CASK: variants seen among roughly 807,000 people sequenced by gnomAD.
CASK encodes the protein peripheral plasma membrane protein CASK.
CASK carries 4 observed loss-of-function variants against 82.9 expected under a neutral mutation model. The ratio of observed to expected loss-of-function variants is 0.05; its 90% CI spans 0.02 to 0.11. CASK has a LOEUF of 0.11. CASK is among the 10% of genes least tolerant of loss of function. The probability of loss-of-function intolerance (pLI) is 1.00; values close to 1 mark genes in which losing one functional copy is unlikely to be tolerated. For missense variants in CASK, 358 were observed against 720.9 expected (o/e 0.50, Z 5.76); for synonymous variants, 259 against 253.5 (o/e 1.02, Z -0.20).
At chrX:41,678,247 T>C (rs1401484136) in intron 5 of CASK, among the ~76,000 whole-genome samples, 1 of 111,594 alleles carries the variant, frequency 9.0e-6, no homozygotes, top group Non-Finnish European at 1.9e-5. Context: ...GTACATTGCA[T>C]TTGATGACTA....
intron 16 of CASK, among the ~76,000 whole-genome samples, chrX:41,563,927 C>T (rs2065271181): frequency 8.9e-6 from 1 of 111,735 alleles, no homozygotes; most frequent in Non-Finnish European, 1.9e-5. Context: ...GGAATACTCT[C>T]CAAGTCATTG....
At chrX:41,730,920 G>T (rs1183974918) in intron 5 of CASK, among the ~76,000 whole-genome samples, 1 of 111,162 alleles carries the variant, frequency 9.0e-6, no homozygotes, top group African/African-American at 3.3e-5. Context: ...ACCCAGGTTG[G>T]TCTCGAATTC....
chrX:41,579,544 C>T (rs1299333525), intron 14 of CASK, among the ~76,000 whole-genome samples: 2 of 111,398 alleles, frequency 1.8e-5, no homozygotes, highest in Non-Finnish European at 3.8e-5. Flanking sequence ...CATAATAAAC[C>T]CTTTCTATTA....
chrX:41,759,596 G>A (rs515958), intron 3 of CASK, among the ~76,000 whole-genome samples: 17,948 of 110,603 alleles, frequency 0.16, 1,431 homozygotes, highest in Middle Eastern at 0.3. Flanking sequence ...TCAGGTGTTG[G>A]GATGGCCAAA....
At chrX:41,663,409 C>T (rs1238224153) in intron 7 of CASK, among the ~76,000 whole-genome samples, 1 of 111,234 alleles carries the variant, frequency 9.0e-6, no homozygotes, top group African/African-American at 3.3e-5. Flanking sequence ...TTATTAACCT[C>T]AAAGCTTCAA....
chrX:41,709,232 T>A (rs2067933234), intron 5 of CASK, among the ~76,000 whole-genome samples: 1 of 111,797 alleles, frequency 8.9e-6, no homozygotes, highest in Non-Finnish European at 1.9e-5. Flanking sequence ...TCGAAGAATG[T>A]CAAAATCCAG....
chrX:41,640,780 T>C (rs918950329), intron 8 of CASK, among the ~76,000 whole-genome samples: 7 of 111,528 alleles, frequency 6.3e-5, no homozygotes, highest in African/African-American at 2.3e-4. Flanking sequence ...TTAAGTTTAC[T>C]ACATATCTGA....
chrX:41,612,910 G>A (rs1226588049), intron 11 of CASK, among the ~76,000 whole-genome samples: 38 of 99,620 alleles, frequency 3.8e-4, no homozygotes, highest in African/African-American at 1.3e-3. Flanking sequence ...CCGGCCAGCC[G>A]CCCCATCCGG....
At chrX:41,580,803 A>G (rs1488728968) in intron 14 of CASK, among the ~76,000 whole-genome samples, 1 of 112,453 alleles carries the variant, frequency 8.9e-6, no homozygotes, top group Non-Finnish European at 1.9e-5. Flanking sequence ...GTTAAGACGT[A>G]TGAGTGAGCA....
chrX:41,673,829 G>GT (rs887137250), intron 5 of CASK, among the ~76,000 whole-genome samples: 1,881 of 50,760 alleles, frequency 0.037, 42 homozygotes, highest in African/African-American at 0.056. Context: ...AACTCTGGGT[G>GT]TTTTTTTTTT....
intron 3 of CASK, among the ~76,000 whole-genome samples, chrX:41,765,647 T>C (rs1044478968): frequency 9.0e-6 from 1 of 111,643 alleles, no homozygotes; most frequent in African/African-American, 3.3e-5. Flanking sequence ...TGAGAATATA[T>C]GGAAGTGTGT....
At chrX:41,875,563 T>A (rs1442790574) in intron 1 of CASK, among the ~76,000 whole-genome samples, 1 of 110,801 alleles carries the variant, frequency 9.0e-6, no homozygotes, top group Non-Finnish European at 1.9e-5. Context: ...TTAAGAACAA[T>A]ATAAAGGTTG....
At chrX:41,650,745 C>G (rs2066852811) in intron 8 of CASK, among the ~76,000 whole-genome samples, 1 of 110,066 alleles carries the variant, frequency 9.1e-6, no homozygotes, top group South Asian at 3.9e-4. Flanking sequence ...GCCACTGCAA[C>G]CAGTATCATT....
At chrX:41,802,212 C>T (rs1480989725) in intron 2 of CASK, among the ~76,000 whole-genome samples, 1 of 110,598 alleles carries the variant, frequency 9.0e-6, no homozygotes, top group Non-Finnish European at 1.9e-5. Context: ...AATATGAAAC[C>T]TATGAAGACA....
chrX:41,846,091 G>A (rs2071149185), intron 2 of CASK, among the ~76,000 whole-genome samples: 1 of 111,477 alleles, frequency 9.0e-6, no homozygotes, highest in African/African-American at 3.3e-5. Context: ...CAAAAGAAAG[G>A]AAATCAGAAT....
chrX:41,543,181 T>C (rs144945901), intron 21 of CASK, among the ~76,000 whole-genome samples: 2,578 of 112,134 alleles, frequency 0.023, 37 homozygotes, highest in Non-Finnish European at 0.037. Context: ...ACTTTACATG[T>C]ATTAACTCCT....
intron 9 of CASK, among the ~76,000 whole-genome samples, chrX:41,628,141 T>C (rs1364644992): frequency 8.9e-6 from 1 of 112,538 alleles, no homozygotes; most frequent in African/African-American, 3.2e-5. Flanking sequence ...CTAATAAAGA[T>C]CTAGAACATG....
intron 9 of CASK, among the ~76,000 whole-genome samples, chrX:41,633,056 AAATAATAAT>A (rs1324014048): frequency 0.013 from 1,093 of 86,312 alleles, 15 homozygotes; most frequent in Middle Eastern, 0.049. Flanking sequence ...AAAAAAAAAA[AAATAATAAT>A]AATAATAAAG....
chrX:41,586,711 T>G, intron 14 of CASK, 196 bp downstream of exon 14: 1 of 408,381 alleles, frequency 2.4e-6, no homozygotes, highest in Non-Finnish European at 4.3e-6. Flanking sequence ...TCACCAAGAG[T>G]ATCTTTACAG....
Sources: allele counts gnomAD v4.1 joint callset (sites outside exome capture counted in the v4.1 genomes callset), GRCh38; gene constraint gnomAD v4.1.1; transcripts MANE v1.5; gene names NCBI Gene and HGNC (gene_info 2026-07-23, HGNC 2026-07-21).